Variants in SGCG observed in about 807,000 individuals in gnomAD.
SGCG encodes the protein gamma-sarcoglycan.
In SGCG, 26 loss-of-function variants were observed where a neutral mutation model predicts 29.3. The ratio of observed to expected loss-of-function variants is 0.89; its 90% confidence interval spans 0.65 to 1.23. The LOEUF is 1.23. SGCG is among the 50% of genes most tolerant of loss of function. The pLI, the probability that SGCG is intolerant of heterozygous loss-of-function variation, is 0.00. For synonymous variants in SGCG, 145 were observed against 129.7 expected, an observed-to-expected ratio of 1.12 and a Z score of -0.80; for missense variants, 353 against 356.0, an observed-to-expected ratio of 0.99 and a Z score of 0.07.
intron 4 of SGCG, among the ~76,000 whole-genome samples, chr13:23,276,639 C>G (rs576664023): frequency 4.4e-4 from 67 of 152,108 alleles, no homozygotes; most frequent in Non-Finnish European, 7.8e-4. Context: ...CACCGTGTTG[C>G]CCAGGTTGTC....
chr13:23,188,663 G>A (rs1419283956), intron 1 of SGCG, among the ~76,000 whole-genome samples: 2 of 151,884 alleles, frequency 1.3e-5, no homozygotes, highest in African/African-American at 4.8e-5. Context: ...CATCTAGTCC[G>A]GTCCACATGG....
rs778119056 is a variant in SGCG at position 23,320,681 on chromosome 13, G to T, written c.623G>T (p.Gly208Val). Residue 208 changes from glycine (G) to valine (V), a missense_variant, in exon 7 of 8, where the codon GGT (glycine) becomes GTT (valine). Coordinates refer to ENST00000218867, the MANE Select transcript of SGCG (RefSeq NM_000231.3). ...AGTCTAAGCATGGATGCCCCAAGGG[G>T]TGTGCATATTCAAGCTCACGCTGGG... ...TRSLSMDAPR[G>V]VHIQAHAGKI... The T allele has an allele frequency of 1.1e-5, 18 of 1,610,616 alleles. No homozygotes were observed. In the Middle Eastern group the frequency reaches 5.0e-4, roughly 44 times the overall value.
chr13:23,297,566 T>A (rs1029254640), intron 6 of SGCG, among the ~76,000 whole-genome samples: 5 of 152,228 alleles, frequency 3.3e-5, no homozygotes, highest in Non-Finnish European at 5.9e-5. Context: ...AGGCACAGAT[T>A]GCTCATGCTA....
intron 3 of SGCG, among the ~76,000 whole-genome samples, chr13:23,241,345 T>A (rs7326427): frequency 0.67 from 102,087 of 151,828 alleles, 34,728 homozygotes; most frequent in East Asian, 0.91. Flanking sequence ...GAACAAGTAT[T>A]TGTCAATAAG....
intron 6 of SGCG, among the ~76,000 whole-genome samples, chr13:23,299,445 TATATATATATA>T (rs1566037532): frequency 6.5e-4 from 16 of 24,710 alleles, no homozygotes; most frequent in African/African-American, 1.3e-3. Context: ...TATATATATA[TATATATATATA>T]TTTTTTTTTT....
intron 4 of SGCG, among the ~76,000 whole-genome samples, chr13:23,261,843 G>T (rs1350729528): frequency 6.6e-6 from 1 of 151,982 alleles, no homozygotes; most frequent in Non-Finnish European, 1.5e-5. Context: ...AAAGGATTGG[G>T]GTACTATCTT....
At chr13:23,215,800 T>TAAA (rs34236900) in intron 2 of SGCG, among the ~76,000 whole-genome samples, 1 of 145,900 alleles carries the variant, frequency 6.9e-6, no homozygotes. Flanking sequence ...AGCTGAGAGT[T>TAAA]AAAAAAAAAA....
intron 4 of SGCG, among the ~76,000 whole-genome samples, chr13:23,271,408 G>T (rs1310453804): frequency 6.8e-6 from 1 of 147,652 alleles, no homozygotes; most frequent in Non-Finnish European, 1.5e-5. Context: ...GATAGCTGAT[G>T]AGCTAAAAAA....
intron 3 of SGCG, among the ~76,000 whole-genome samples, chr13:23,248,778 G>A (rs928849366): frequency 3.3e-5 from 5 of 151,812 alleles, no homozygotes; most frequent in Non-Finnish European, 7.4e-5. Flanking sequence ...GGATCACGAG[G>A]TCAGGAAATC....
At chr13:23,299,429 TATATATATATATATATATATA>T (rs1428367649) in intron 6 of SGCG, among the ~76,000 whole-genome samples, 6 of 14,248 alleles carry the variant, frequency 4.2e-4, no homozygotes, top group Non-Finnish European at 1.1e-3. Flanking sequence ...TATATATATA[TATATATATATATATATATATA>T]TATATATTTT....
At position 23,234,748 on chromosome 13, in the gene SGCG, T is replaced by C. The variant is rs759420071; in HGVS notation, c.297+36T>C. ...GTTAAGACAAATAATTTGTGCTTTATGAAAAATAAATCATGTTTAAGCACA... is the reference window on the plus strand; with the variant it reads ...GTTAAGACAAATAATTTGTGCTTTACGAAAAATAAATCATGTTTAAGCACA... On this transcript the variant is annotated intron_variant, in intron 3 of 7. Transcript: ENST00000218867. 5.7e-6 allele frequency: 8 copies of C among 1,407,044 alleles called. No individual in the cohort carries two copies. The Admixed American group carries it at 6.7e-5, about 12-fold the overall frequency. The allele number at this position is 1,407,044 out of a possible 1,614,324, so 87.2% of individuals were successfully genotyped here. A position where few individuals can be genotyped will look rare whatever the true frequency, so the allele number is the denominator to read the frequency against.
chr13:23,222,600 C>A (rs918420163), intron 2 of SGCG, among the ~76,000 whole-genome samples: 4 of 152,058 alleles, frequency 2.6e-5, no homozygotes, highest in Admixed American at 2.0e-4. Flanking sequence ...CTGAGGTGGG[C>A]AGATCACTTG....
chr13:23,185,430 T>A (rs1296867519), intron 1 of SGCG, among the ~76,000 whole-genome samples: 1 of 152,200 alleles, frequency 6.6e-6, no homozygotes, highest in Non-Finnish European at 1.5e-5. Flanking sequence ...GACCTCGTGA[T>A]CTGCTCGCCT....
At chr13:23,315,607 T>C (rs895954071) in intron 6 of SGCG, among the ~76,000 whole-genome samples, 2 of 152,200 alleles carry the variant, frequency 1.3e-5, no homozygotes, top group African/African-American at 4.8e-5. Flanking sequence ...ACAGCCCCTT[T>C]CTAGGACATC....
rs147892236 is a variant in SGCG, at chr13:23,243,221, G to A, written c.298-7409G>A. On this transcript the variant is annotated intron_variant, in intron 3 of 7. Transcript: ENST00000218867. ...TTTAGTCTCACATAACAGGAAGCTGGAGGGGGCAGCTGCAGCTTTGGTTCA... is the reference window on the plus strand; with the variant it reads ...TTTAGTCTCACATAACAGGAAGCTGAAGGGGGCAGCTGCAGCTTTGGTTCA... Among the ~76,000 whole-genome samples the A allele has an allele frequency of 4.5e-4, 68 of 152,298 alleles. No homozygotes were observed. In the East Asian group the frequency reaches 8.5e-3, roughly 19 times the overall value.
rs538071463 is a variant in SGCG, at chr13:23,279,758, C to T, written c.505+280C>T. ...TTTTTTTTCTTTTTAGACAGAGTCT[C>T]GCTCTGTTGCCCAGGCTGGAGTGCA... On this transcript the variant is annotated intron_variant, in intron 5 of 7. Coordinates refer to ENST00000218867, the MANE Select transcript of SGCG (RefSeq NM_000231.3). Among the ~76,000 whole-genome samples, 24 of 133,544 alleles carry T rather than the reference C, an allele frequency of 1.8e-4. No individual in the cohort carries two copies. In the East Asian group the frequency reaches 2.9e-3, roughly 16 times the overall value. 87.6% of individuals were successfully genotyped at this position (133,544 alleles called of 152,430 possible).
chr13:23,208,745 A>G lies in SGCG; in HGVS notation c.195+4856A>G, dbSNP rs572358484. On this transcript the variant is annotated intron_variant, in intron 2 of 7. Coordinates refer to ENST00000218867, the MANE Select transcript of SGCG (RefSeq NM_000231.3). ...AAGATTCTAAAATATTCCGTTAGCC[A>G]TCATAATAGTTAAATCAGTCAGGAA... Among the ~76,000 whole-genome samples, 259 of 152,308 alleles carry G rather than the reference A, an allele frequency of 1.7e-3. 1 individual carries two copies. The highest frequency in any genetic ancestry group is 5.9e-3 in the African/African-American group (246 of 41,588).
intron 6 of SGCG, among the ~76,000 whole-genome samples, chr13:23,314,113 ATATATC>A (rs938612850): frequency 6.6e-6 from 1 of 151,468 alleles, no homozygotes; most frequent in African/African-American, 2.4e-5. Flanking sequence ...TCCCCTTTAT[ATATATC>A]TATATCTATA....
At chr13:23,216,395 C>T (rs564009527) in intron 2 of SGCG, among the ~76,000 whole-genome samples, 16 of 152,132 alleles carry the variant, frequency 1.1e-4, no homozygotes, top group African/African-American at 3.6e-4. Context: ...ATAACTTTCA[C>T]AGGTGTATGT....
Sources: allele counts gnomAD v4.1 joint callset (sites outside exome capture counted in the v4.1 genomes callset), GRCh38; gene constraint gnomAD v4.1.1; transcripts MANE v1.5; gene names NCBI Gene and HGNC (gene_info 2026-07-23, HGNC 2026-07-21).